FRMD6: variants seen among roughly 807,000 people sequenced by gnomAD.
The protein encoded by FRMD6 is FERM domain-containing protein 6.
Under a neutral mutation model 73.2 loss-of-function variants are expected in FRMD6, and 37 were observed. That is an observed-to-expected ratio of 0.51 (90% CI 0.39 to 0.66). FRMD6 has a LOEUF of 0.66. Ranked by LOEUF, FRMD6 falls within the 30% of genes least tolerant of loss-of-function variation. The pLI is 0.00. For missense variants in FRMD6, 714 were observed against 780.5 expected, an observed-to-expected ratio of 0.91 and a Z score of 1.02; for synonymous variants, 273 against 282.2, an observed-to-expected ratio of 0.97 and a Z score of 0.33.
intron 2 of FRMD6, among the ~76,000 whole-genome samples, chr14:51,610,874 A>G (rs1890464467): frequency 6.6e-6 from 1 of 152,200 alleles, no homozygotes. Flanking sequence ...AATTAGAAAA[A>G]CAACTGATGG....
rs531774523 is a variant in FRMD6, at chr14:51,663,897, G to A, written c.-147+11901G>A. On this transcript the variant is annotated intron_variant, in intron 1 of 13. Transcript: ENST00000344768. ...ACAGAAAGCACAAGGGGCTGGACTA[G>A]TTTTTATAACAACCTGCTCTTGTGA... Among the ~76,000 whole-genome samples, 17 of 152,338 alleles carry A rather than the reference G, an allele frequency of 1.1e-4. No individual in the cohort carries two copies. The South Asian group carries it at 3.5e-3, about 32-fold the overall frequency.
chr14:51,582,023 G>A (rs1225338706), intron 2 of FRMD6, among the ~76,000 whole-genome samples: 2 of 152,194 alleles, frequency 1.3e-5, no homozygotes, highest in African/African-American at 2.4e-5. Context: ...TTAGTAGACT[G>A]TAGGCTCCTT....
chr14:51,585,312 AC>A (rs1243962706), intron 2 of FRMD6, among the ~76,000 whole-genome samples: 4 of 152,074 alleles, frequency 2.6e-5, no homozygotes, highest in African/African-American at 9.7e-5. Context: ...TACACATACG[AC>A]TTAAATTTGT....
chr14:51,598,637 C>T (rs551778483), intron 2 of FRMD6, among the ~76,000 whole-genome samples: 1 of 152,288 alleles, frequency 6.6e-6, no homozygotes, highest in South Asian at 2.1e-4. Flanking sequence ...GTGTTTAGCT[C>T]CCACTTATCA....
chr14:51,488,516 C>T (rs1203953581), upstream of FRMD6, among the ~76,000 whole-genome samples: 2 of 152,216 alleles, frequency 1.3e-5, no homozygotes, highest in Non-Finnish European at 1.5e-5. Context: ...TTTCTACATC[C>T]TCTCTACTGT....
chr14:51,520,473 C>A (rs1202328313), intron 1 of FRMD6, among the ~76,000 whole-genome samples: 2 of 152,162 alleles, frequency 1.3e-5, no homozygotes, highest in Non-Finnish European at 1.5e-5. Context: ...TATGTCTACA[C>A]AAAATTTGTA....
At chr14:51,398,047 A>T in the FRMD6 span, among the ~76,000 whole-genome samples, 1,297 of 152,246 alleles carry the variant, frequency 8.5e-3, 17 homozygotes, top group Middle Eastern at 0.045. Context: ...ATAGACAACA[A>T]TTTTTTTGGT....
chr14:51,434,676 C>T, the FRMD6 span, among the ~76,000 whole-genome samples: 12 of 152,048 alleles, frequency 7.9e-5, no homozygotes, highest in African/African-American at 2.7e-4. Flanking sequence ...CAGATAAGAA[C>T]CATCATTGGG....
intron 1 of FRMD6, among the ~76,000 whole-genome samples, chr14:51,678,839 T>G (rs1894580672): frequency 1.5e-3 from 3 of 1,960 alleles, no homozygotes; most frequent in African/African-American, 2.8e-3. Flanking sequence ...TCTTTTGGAG[T>G]GGGTGGGTGG....
intron 1 of FRMD6, among the ~76,000 whole-genome samples, chr14:51,682,725 T>G (rs1894889764): frequency 6.6e-6 from 1 of 152,202 alleles, no homozygotes; most frequent in Admixed American, 6.5e-5. Context: ...GCTCATATTA[T>G]TTTCACAAAG....
At chr14:51,530,319 T>C (rs1885510408) in intron 1 of FRMD6, among the ~76,000 whole-genome samples, 1 of 152,208 alleles carries the variant, frequency 6.6e-6, no homozygotes. Flanking sequence ...GTTTGGAGTA[T>C]TTATACCACA....
At chr14:51,492,291 G>C (rs1019375492) in intron 1 of FRMD6, among the ~76,000 whole-genome samples, 2 of 152,076 alleles carry the variant, frequency 1.3e-5, no homozygotes, top group Non-Finnish European at 2.9e-5. Flanking sequence ...TAACCTGTTT[G>C]CCTGTGGTCC....
chr14:51,564,830 G>A (rs988148471), intron 1 of FRMD6, among the ~76,000 whole-genome samples: 1 of 152,128 alleles, frequency 6.6e-6, no homozygotes. Context: ...CAACATGTGG[G>A]ATATTTTCCT....
chr14:51,662,404 T>C lies in FRMD6; in HGVS notation c.-147+10408T>C, dbSNP rs759996365. On this transcript the variant is annotated intron_variant, in intron 1 of 13. Transcript: ENST00000344768. ...CAACATGGTACCATCTTCAAATTATTAGAGCAACAGTGACCAAAACAGCAT... is the reference window on the plus strand; with the variant it reads ...CAACATGGTACCATCTTCAAATTATCAGAGCAACAGTGACCAAAACAGCAT... Among the ~76,000 whole-genome samples the C allele has an allele frequency of 2.6e-5, 4 of 152,094 alleles. 1 individual carries two copies. The highest frequency in any genetic ancestry group is 6.8e-3 in the Middle Eastern group (2 of 294).
At chr14:51,721,630 AGAGG>A (rs1425388231) in intron 11 of FRMD6, among the ~76,000 whole-genome samples, 81 of 87,954 alleles carry the variant, frequency 9.2e-4, no homozygotes, top group African/African-American at 1.3e-3. Flanking sequence ...AGAAAGAAAG[AGAGG>A]GAGGGAGGGA....
At chr14:51,582,752 G>A (rs943450933) in intron 2 of FRMD6, among the ~76,000 whole-genome samples, 7 of 152,150 alleles carry the variant, frequency 4.6e-5, no homozygotes, top group African/African-American at 1.7e-4. Context: ...ACAACAAAAC[G>A]ATGAGAAATT....
intron 12 of FRMD6, 69 bp downstream of exon 12, chr14:51,722,149 G>A: frequency 3.2e-6 from 5 of 1,563,656 alleles, no homozygotes; most frequent in Non-Finnish European, 4.4e-6. Flanking sequence ...ACATGCCTCA[G>A]AAAATAGAAG....
intron 10 of FRMD6, among the ~76,000 whole-genome samples, chr14:51,715,714 G>T (rs963072255): frequency 3.9e-5 from 6 of 152,314 alleles, no homozygotes; most frequent in South Asian, 4.1e-4. Flanking sequence ...AATATCTGAG[G>T]TGACTGCATT....
At chr14:51,420,739 G>A in the FRMD6 span, among the ~76,000 whole-genome samples, 1 of 152,158 alleles carries the variant, frequency 6.6e-6, no homozygotes, top group Non-Finnish European at 1.5e-5. Flanking sequence ...AAAGGGTGAT[G>A]TGTGTAGGTT....
Sources: allele counts gnomAD v4.1 joint callset (sites outside exome capture counted in the v4.1 genomes callset), GRCh38; gene constraint gnomAD v4.1.1; transcripts MANE v1.5; gene names NCBI Gene and HGNC (gene_info 2026-07-23, HGNC 2026-07-21).